The following RAB36 variants were observed in gnomAD, a reference collection of about 807,000 sequenced individuals.
The protein encoded by RAB36 is ras-related protein Rab-36.
Under a neutral mutation model 39.3 loss-of-function variants are expected in RAB36, and 33 were observed. The ratio of observed to expected loss-of-function variants is 0.84; its 90% CI spans 0.64 to 1.12. The LOEUF (loss-of-function observed/expected upper bound fraction) is 1.12, where lower values mean the gene tolerates loss of function less well. RAB36 is among the 50% of genes most tolerant of loss of function. The probability of loss-of-function intolerance (pLI) is 0.00; values close to 1 mark genes in which losing one functional copy is unlikely to be tolerated. For synonymous variants in RAB36, 133 were observed against 140.2 expected, an observed-to-expected ratio of 0.95 and a Z score of 0.36; for missense variants, 308 against 355.3, an observed-to-expected ratio of 0.87 and a Z score of 1.07.
At position 23,161,425 on chromosome 22, in the gene RAB36, A is replaced by T. The variant is rs183829931; in HGVS notation, c.740-75A>T. 3.0e-4 allele frequency: 396 copies of T among 1,304,136 alleles called. No homozygotes were observed. The African/African-American group carries it at 5.0e-3, about 16-fold the overall frequency. The allele number at this position is 1,304,136 out of a possible 1,614,324, so 80.8% of individuals were successfully genotyped here. A position where few individuals can be genotyped will look rare whatever the true frequency, so the allele number is the denominator to read the frequency against. ...GCTTCAGCTCACAGCTCTGACTGTC[A>T]GGGCCGGCATCCCCTGCCCAGTGTC... On this transcript the variant is annotated intron_variant, in intron 10 of 10. Coordinates refer to ENST00000263116, the MANE Select transcript of RAB36 (RefSeq NM_004914.5).
chr22:23,149,856 G>A (rs1022550546), intron 2 of RAB36, among the ~76,000 whole-genome samples: 1 of 152,318 alleles, frequency 6.6e-6, no homozygotes, highest in Non-Finnish European at 1.5e-5. Context: ...GCCTGGGCTC[G>A]CCCCTCTGGA....
Position 23,159,205 on chromosome 22 carries a change from C to A in RAB36, c.571C>A (p.Leu191Met). ...CEQAEADAVH[L>M]AREMQAEYWS... is the part of the protein sequence containing the mutation. ...GCAGGCCGAAGCAGACGCTGTGCACCTGGCCAGGGAGATGCAGGCCGAGTA... is the reference window on the plus strand; with the variant it reads ...GCAGGCCGAAGCAGACGCTGTGCACATGGCCAGGGAGATGCAGGCCGAGTA... The change falls in exon 9 of 11, where the codon CTG becomes ATG. Residue 191 changes from leucine to methionine, a missense_variant. Leu to Met is a conservative substitution (Grantham distance 15). Transcript: ENST00000263116. 6.2e-7 allele frequency: 1 copy of A among 1,609,394 alleles called. No individual in the cohort carries two copies. The highest frequency in any genetic ancestry group is 2.2e-5 in the East Asian group (1 of 44,662).
intron 9 of RAB36, among the ~76,000 whole-genome samples, chr22:23,159,502 C>A (rs1342042320): frequency 2.0e-5 from 3 of 152,242 alleles, no homozygotes. Flanking sequence ...TGACCCCAAC[C>A]CTGTGTCATG....
chr22:23,158,775 G>A, intron 7 of RAB36, 123 bp from the exon 8 acceptor site: 1 of 835,282 alleles, frequency 1.2e-6, no homozygotes, highest in East Asian at 2.6e-5. Context: ...TGTGGGCCAG[G>A]AAGCCCTCCT....
In RAB36 at chr22:23,150,077, A is replaced by C. The variant is rs772810769; in HGVS notation, c.84A>C (p.Glu28Asp). ...IASFPKWYTP[E>D]ACLQLREHFH... ...TCTCTTTGCAGTGGTACACGCCGGA[A>C]GCCTGTTTGCAGCTCAGGGAGCACT... Residue 28 changes from glutamate to aspartate, a missense_variant, in exon 3 of 11, where the codon GAA becomes GAC. By Grantham distance (45) the Glu-to-Asp change is conservative. Transcript: ENST00000263116. The C allele has an allele frequency of 2.5e-6, 4 of 1,610,766 alleles. No individual in the cohort carries two copies. The highest frequency in any genetic ancestry group is 3.4e-6 in the Non-Finnish European group (4 of 1,178,560).
intron 6 of RAB36, 95 bp from the exon 7 acceptor site, chr22:23,157,897 C>G: frequency 6.3e-7 from 1 of 1,589,080 alleles, no homozygotes; most frequent in South Asian, 1.2e-5. Context: ...GGGGGGCTGC[C>G]CTGGCAGTTC....
At chr22:23,159,708 G>A (rs2071669331) in intron 9 of RAB36, among the ~76,000 whole-genome samples, 1 of 152,200 alleles carries the variant, frequency 6.6e-6, no homozygotes, top group Non-Finnish European at 1.5e-5. Context: ...TGCCAGGCAT[G>A]TGACATCACC....
chr22:23,167,441 T>G (rs1287430665), downstream of RAB36, among the ~76,000 whole-genome samples: 1 of 152,148 alleles, frequency 6.6e-6, no homozygotes, highest in East Asian at 1.9e-4. Context: ...CCCTGTCCCC[T>G]GGGTGCCTGC....
chr22:23,162,365 G>A lies in RAB36; in HGVS notation c.*801G>A, dbSNP rs1019903454. 1.8e-5 allele frequency: 6 copies of A among 336,834 alleles called. No homozygotes were observed. Among genetic ancestry groups the A allele is most frequent in the Non-Finnish European group, 3.5e-5 (6 of 169,424 alleles). The allele number at this position is 336,834 out of a possible 1,614,324, so 20.9% of individuals were successfully genotyped here. Reference sequence around the variant, plus strand: ...GAGGCAGACTGCACAGCTGTCCTAGGGTAACTCACTCTGCAGCCCTTGAAC... The same window carrying A: ...GAGGCAGACTGCACAGCTGTCCTAGAGTAACTCACTCTGCAGCCCTTGAAC... On this transcript the variant is annotated 3_prime_UTR_variant, in exon 11 of 11. Transcript: ENST00000263116.
chr22:23,146,489 G>T, intron 1 of RAB36, 116 bp from the exon 2 acceptor site: 1 of 1,436,316 alleles, frequency 7.0e-7, no homozygotes, highest in East Asian at 2.7e-5. Flanking sequence ...TGGGATTACA[G>T]GCATGAGCCA....
chr22:23,167,745 G>T (rs565676394), downstream of RAB36, among the ~76,000 whole-genome samples: 17 of 151,580 alleles, frequency 1.1e-4, no homozygotes, highest in African/African-American at 3.6e-4. Flanking sequence ...CCAGGGTCTC[G>T]CTGTGTTGCC....
chr22:23,160,910 A>G lies in RAB36; in HGVS notation c.651A>G (p.Val217=). 1 of 1,613,892 alleles carries G rather than the reference A, an allele frequency of 6.2e-7. No homozygotes were observed. The highest frequency in any genetic ancestry group is 8.5e-7 in the Non-Finnish European group (1 of 1,179,904). Residue 217 remains valine, a synonymous_variant, in exon 10 of 11, where the codon GTA becomes GTG. Coordinates refer to ENST00000263116, the MANE Select transcript of RAB36 (RefSeq NM_004914.5). Reference sequence around the variant, plus strand: ...ACGTGAAGGCATTCTTCAGCCGCGTAGCCGCCCTGGCATTCGAGCAGTCGG... The same window carrying G: ...ACGTGAAGGCATTCTTCAGCCGCGTGGCCGCCCTGGCATTCGAGCAGTCGG... ...GENVKAFFSR[V]AALAFEQSVL... is the part of the protein sequence containing the mutation.
chr22:23,161,265 G>A (rs916798950), intron 10 of RAB36, among the ~76,000 whole-genome samples: 1 of 152,082 alleles, frequency 6.6e-6, no homozygotes, highest in Non-Finnish European at 1.5e-5. Flanking sequence ...GCCCAGGCTG[G>A]GCGTCCCAGG....
chr22:23,147,583 C>G (rs962187983), intron 2 of RAB36, among the ~76,000 whole-genome samples: 14 of 152,130 alleles, frequency 9.2e-5, no homozygotes, highest in African/African-American at 2.9e-4. Flanking sequence ...TCCTCCCACC[C>G]GGGCCTCTCA....
rs546436030 is a variant in RAB36 at position 23,159,169 on chromosome 22, G to A, written c.535G>A (p.Ala179Thr). The A allele has an allele frequency of 1.2e-6, 2 of 1,611,314 alleles. No individual in the cohort carries two copies. Among genetic ancestry groups the A allele is most frequent in the African/African-American group, 2.7e-5 (2 of 75,032 alleles). ...CAAGGGCCATTTCTCCCAGTCAGGG[G>A]CCGCATGTGAGCAGGCCGAAGCAGA... ...VGTKKDLLSGAACEQAEADAV... is the reference protein window; with the variant it reads ...VGTKKDLLSGTACEQAEADAV... The change falls in exon 9 of 11, where the codon GCC becomes ACC. Residue 179 changes from alanine (A) to threonine (T), a missense_variant. Ala to Thr is a moderately conservative substitution (Grantham distance 58, BLOSUM62 0). Transcript: ENST00000263116.
At chr22:23,157,966 G>A (rs1275521188) in intron 6 of RAB36, 26 bp from the exon 7 acceptor site, 1 of 1,614,082 alleles carries the variant, frequency 6.2e-7, no homozygotes, top group South Asian at 1.1e-5. Context: ...GCACTGATTG[G>A]CTGTTGGCTT....
rs151200094 is a variant in RAB36 at position 23,160,979 on chromosome 22, C to T, written c.720C>T (p.Val240=). The T allele has an allele frequency of 2.7e-5, 44 of 1,612,034 alleles. No homozygotes were observed. The highest frequency in any genetic ancestry group is 5.3e-5 in the African/African-American group (4 of 74,916). The change falls in exon 10 of 11, where the codon GTC becomes GTT. Residue 240 remains valine (V), a synonymous_variant. Coordinates refer to ENST00000263116, the MANE Select transcript of RAB36 (RefSeq NM_004914.5). ...LERQSSARLQ[V]GNGDLIQMEG... is the part of the protein sequence containing the mutation. ...GGCAGAGCAGTGCCCGGCTCCAGGT[C>T]GGCAATGGAGACCTAATCCGTGAGT...
rs1405862935 is a variant in RAB36, at chr22:23,147,263, T to C, written c.69+578T>C. The stretch of plus-strand genomic sequence containing the variant: ...GAATACAAATTGAGTACAACCTCCA[T>C]AGGGGGCAGTGGACAATATTTACCA... On this transcript the variant is annotated intron_variant, in intron 2 of 10. Coordinates refer to ENST00000263116, the MANE Select transcript of RAB36 (RefSeq NM_004914.5). 2.0e-5 allele frequency among the ~76,000 whole-genome samples: 3 copies of C among 152,190 alleles called. No individual in the cohort carries two copies. The East Asian group carries it at 5.8e-4, about 29-fold the overall frequency.
At chr22:23,145,936 C>A (rs932962130) in intron 1 of RAB36, 3 of 979,966 alleles carry the variant, frequency 3.1e-6, no homozygotes, top group Non-Finnish European at 3.6e-6. Context: ...CCCAGGCCCA[C>A]CTAGAGCCTT....
Sources: gnomAD v4.1 joint callset for allele counts (sites outside exome capture counted in the v4.1 genomes callset) on GRCh38, gnomAD v4.1.1 for gene constraint, MANE v1.5 for transcripts, NCBI Gene and HGNC (gene_info 2026-07-23, HGNC 2026-07-21) for gene names.